Variants in DPP10 observed in about 807,000 individuals in gnomAD.
DPP10 encodes dipeptidyl peptidase like 10, also known as inactive dipeptidyl peptidase 10.
DPP10 carries 33 observed loss-of-function variants against 120.9 expected under a neutral mutation model. The ratio of observed to expected loss-of-function variants is 0.27; its 90% CI spans 0.21 to 0.37. The LOEUF is 0.37. Ranked by LOEUF, DPP10 falls within the 10% of genes least tolerant of loss-of-function variation. The probability of loss-of-function intolerance (pLI) is 1.00; values close to 1 mark genes in which losing one functional copy is unlikely to be tolerated. For synonymous variants in DPP10, 337 were observed against 326.1 expected, an observed-to-expected ratio of 1.03 and a Z score of -0.36; for missense variants, 816 against 942.8, an observed-to-expected ratio of 0.87 and a Z score of 1.76.
chr2:115,411,201 G>T (rs11674650), intron 3 of DPP10, among the ~76,000 whole-genome samples: 74,521 of 151,736 alleles, frequency 0.49, 20,107 homozygotes, highest in Non-Finnish European at 0.62. Context: ...GCATGGTGGC[G>T]CATGCCTGTA....
intron 2 of DPP10, among the ~76,000 whole-genome samples, chr2:115,334,230 G>GTTTTTTTTTGTTTTTTTTT (rs2062970201): frequency 1.8e-5 from 1 of 56,410 alleles, no homozygotes; most frequent in African/African-American, 4.9e-5. Context: ...AGCAGACTCT[G>GTTTTTTTTTGTTTTTTTTT]TTTTTTTTTT....
At chr2:115,207,990 A>G (rs914717394) in intron 1 of DPP10, among the ~76,000 whole-genome samples, 1 of 152,188 alleles carries the variant, frequency 6.6e-6, no homozygotes, top group East Asian at 1.9e-4. Context: ...AAATGAATCT[A>G]TTAGCCGATG....
chr2:115,600,943 G>T (rs2083285957), intron 5 of DPP10, among the ~76,000 whole-genome samples: 1 of 152,128 alleles, frequency 6.6e-6, no homozygotes, highest in Non-Finnish European at 1.5e-5. Context: ...GCCAACGATT[G>T]CAGTTACTTG....
At chr2:114,817,777 AAG>A (rs1391513889) in intron 1 of DPP10, among the ~76,000 whole-genome samples, 1 of 152,204 alleles carries the variant, frequency 6.6e-6, no homozygotes, top group Non-Finnish European at 1.5e-5. Flanking sequence ...GCCAGGTGAT[AAG>A]AGAGATTGCA....
At chr2:115,154,797 T>C (rs950359663) in intron 1 of DPP10, among the ~76,000 whole-genome samples, 1 of 151,820 alleles carries the variant, frequency 6.6e-6, no homozygotes, top group East Asian at 1.9e-4. Context: ...CCACTAAGCA[T>C]TGATATTAGT....
chr2:114,886,554 GA>G (rs1272511716), intron 1 of DPP10, among the ~76,000 whole-genome samples: 2 of 152,162 alleles, frequency 1.3e-5, no homozygotes, highest in African/African-American at 4.8e-5. Context: ...TTTGGGGGTG[GA>G]AAGGTTGAAC....
intron 1 of DPP10, among the ~76,000 whole-genome samples, chr2:115,236,635 G>T (rs2058022769): frequency 6.6e-6 from 1 of 152,124 alleles, no homozygotes; most frequent in Non-Finnish European, 1.5e-5. Context: ...ATCAATTATT[G>T]AAGGTATCAA....
intron 3 of DPP10, among the ~76,000 whole-genome samples, chr2:115,401,202 C>A (rs542229818): frequency 6.6e-6 from 1 of 152,276 alleles, no homozygotes; most frequent in Admixed American, 6.5e-5. Context: ...AAACCACTCA[C>A]TAATAAATGT....
At chr2:115,400,713 C>T (rs2068012841) in intron 3 of DPP10, among the ~76,000 whole-genome samples, 1 of 152,110 alleles carries the variant, frequency 6.6e-6, no homozygotes, top group African/African-American at 2.4e-5. Flanking sequence ...CATATGTCAA[C>T]AAAAAGCAGA....
At chr2:115,541,071 A>G (rs1185892777) in intron 5 of DPP10, among the ~76,000 whole-genome samples, 1 of 151,902 alleles carries the variant, frequency 6.6e-6, no homozygotes, top group Non-Finnish European at 1.5e-5. Context: ...GAAATTTTCT[A>G]AATAATGAAT....
intron 1 of DPP10, among the ~76,000 whole-genome samples, chr2:115,228,064 A>G (rs75707417): frequency 0.072 from 10,933 of 151,896 alleles, 454 homozygotes; most frequent in Middle Eastern, 0.12. Flanking sequence ...TTGGGACTAC[A>G]GGTGTGCACT....
chr2:114,607,180 C>G (rs785033), intron 1 of DPP10, among the ~76,000 whole-genome samples: 100,416 of 152,050 alleles, frequency 0.66, 33,799 homozygotes, highest in African/African-American at 0.79. Flanking sequence ...TTATAGAAAA[C>G]ATAAAATGTC....
At chr2:115,637,359 G>A (rs781719873) in intron 5 of DPP10, among the ~76,000 whole-genome samples, 25 of 151,860 alleles carry the variant, frequency 1.6e-4, no homozygotes, top group Non-Finnish European at 1.5e-4. Flanking sequence ...TTTGAAGAGG[G>A]GTAAGTTAAT....
chr2:115,659,099 G>A (rs1436709380), intron 5 of DPP10, among the ~76,000 whole-genome samples: 1 of 152,012 alleles, frequency 6.6e-6, no homozygotes, highest in African/African-American at 2.4e-5. Context: ...TGATAAAACG[G>A]TAAGTTCAGC....
At chr2:114,710,595 A>G (rs1191933304) in intron 1 of DPP10, among the ~76,000 whole-genome samples, 1 of 152,152 alleles carries the variant, frequency 6.6e-6, no homozygotes. Context: ...AAATACAAAA[A>G]TTAGCTGGGT....
At chr2:115,831,905 A>G (rs951158643) in intron 21 of DPP10, among the ~76,000 whole-genome samples, 2 of 152,194 alleles carry the variant, frequency 1.3e-5, no homozygotes, top group Admixed American at 1.3e-4. Context: ...AAGACCAATA[A>G]AATGCACAAT....
intron 1 of DPP10, among the ~76,000 whole-genome samples, chr2:115,295,833 A>G (rs2060860864): frequency 6.6e-6 from 1 of 152,110 alleles, no homozygotes; most frequent in Non-Finnish European, 1.5e-5. Flanking sequence ...GGAATCTTTA[A>G]ACTTAAAATA....
chr2:115,684,688 A>G (rs2090875869), intron 5 of DPP10, among the ~76,000 whole-genome samples: 1 of 151,934 alleles, frequency 6.6e-6, no homozygotes, highest in African/African-American at 2.4e-5. Context: ...AGCATAAATT[A>G]CTGGGATACA....
intron 17 of DPP10, among the ~76,000 whole-genome samples, chr2:115,790,053 T>C (rs1194797380): frequency 1.3e-5 from 2 of 148,498 alleles, no homozygotes; most frequent in East Asian, 2.1e-4. Flanking sequence ...TGAATGTATA[T>C]ATATGGATTA....
Sources: allele counts gnomAD v4.1 joint callset (sites outside exome capture counted in the v4.1 genomes callset), GRCh38; gene constraint gnomAD v4.1.1; transcripts MANE v1.5; gene names NCBI Gene and HGNC (gene_info 2026-07-23, HGNC 2026-07-21).